WDR48: variants seen among roughly 807,000 people sequenced by gnomAD.
WDR48 encodes WD repeat domain 48.
In WDR48, 22 loss-of-function variants were observed where a neutral mutation model predicts 94.0. The observed-to-expected ratio is 0.23, with a 90% CI of 0.17 to 0.33. The LOEUF is 0.33. Ranked by LOEUF, WDR48 falls within the 10% of genes least tolerant of loss-of-function variation. WDR48 has a pLI of 1.00. For missense variants in WDR48, 541 were observed against 813.8 expected (o/e 0.66, Z 4.08); for synonymous variants, 278 against 280.5 (o/e 0.99, Z 0.09).
rs2035076242 is a variant in WDR48 at position 39,091,621 on chromosome 3, T to G, written c.1669-4T>G. ...TTATACCTTTTTAACTTTTACTGTT[T>G]CAGAAAAATATGCCCAAATTCAACA... On this transcript the variant is annotated splice_polypyrimidine_tract_variant and splice_region_variant and intron_variant, in intron 16 of 18. Transcript: ENST00000302313. 3 of 1,603,474 alleles carry G rather than the reference T, an allele frequency of 1.9e-6. No homozygotes were observed.
Position 39,094,012 on chromosome 3 carries a change from A to G in WDR48, c.1884A>G (p.Glu628=), listed in dbSNP as rs978810499. The G allele has an allele frequency of 1.5e-5, 24 of 1,614,144 alleles. No homozygotes were observed. Among genetic ancestry groups the G allele is most frequent in the Middle Eastern group, 3.3e-4 (2 of 6,062 alleles). ...NNEKPGEQEK[E]EDIAVLAEEK... ...AAAAACCAGGAGAACAGGAAAAAGA[A>G]GAAGATATTGCTGTGTTGGCAGAGG... The change falls in exon 18 of 19, where the codon GAA becomes GAG. Residue 628 remains glutamate (E), a synonymous_variant. Transcript: ENST00000302313.
chr3:39,069,232 C>T (rs1204758024), intron 6 of WDR48, among the ~76,000 whole-genome samples: 2 of 152,214 alleles, frequency 1.3e-5, no homozygotes, highest in Admixed American at 6.5e-5. Flanking sequence ...GCCTTGGCCT[C>T]CCAGAGTGCT....
chr3:39,068,751 G>T lies in WDR48; in HGVS notation c.482-20G>T. The T allele has an allele frequency of 6.3e-7, 1 of 1,576,620 alleles. No homozygotes were observed. Among genetic ancestry groups the T allele is most frequent in the Non-Finnish European group, 8.7e-7 (1 of 1,154,190 alleles). ...CAGCTGATGATCTTGTTAACATTTAGCTCCGTTTATCCTCAATAGCTTCTT... is the reference window on the plus strand; with the variant it reads ...CAGCTGATGATCTTGTTAACATTTATCTCCGTTTATCCTCAATAGCTTCTT... On this transcript the variant is annotated intron_variant, in intron 5 of 18. Coordinates refer to ENST00000302313, the MANE Select transcript of WDR48 (RefSeq NM_020839.4).
At chr3:39,094,413 C>T in intron 18 of WDR48, 1 of 1,520,198 alleles carries the variant, frequency 6.6e-7, no homozygotes, top group African/African-American at 1.4e-5. Flanking sequence ...AAAACGTATC[C>T]TCAGAGGAAT....
chr3:39,094,778 A>T lies in WDR48; in HGVS notation c.*35A>T, dbSNP rs565153697. The T allele has an allele frequency of 1.1e-4, 182 of 1,612,142 alleles. No individual in the cohort carries two copies. In the South Asian group the frequency reaches 1.6e-3, roughly 14 times the overall value. On this transcript the variant is annotated 3_prime_UTR_variant, in exon 19 of 19. Transcript: ENST00000302313. Reference sequence around the variant, plus strand: ...TAATGCTCCTGGATATTCATTTACGACCTTCCTCTATGGCCCCAAGAGTAG... The same window carrying T: ...TAATGCTCCTGGATATTCATTTACGTCCTTCCTCTATGGCCCCAAGAGTAG...
At chr3:39,062,696 A>T (rs113024986) in intron 1 of WDR48, among the ~76,000 whole-genome samples, 7 of 152,332 alleles carry the variant, frequency 4.6e-5, no homozygotes, top group African/African-American at 1.7e-4. Flanking sequence ...ATTTACATCC[A>T]ATCATGAGTC....
At position 39,068,837 on chromosome 3, in the gene WDR48, T is replaced by C. The variant is rs1439797150; in HGVS notation, c.548T>C (p.Ile183Thr). The part of the protein sequence containing the change: ...SLAMNQLGTI[I>T]VSGSTEKVLR... ...GCCATGAATCAACTGGGAACAATCA[T>C]TGTATCAGGGTCCACTGAAAAGGTA... Residue 183 changes from isoleucine to threonine, a missense_variant, in exon 6 of 19, where the codon ATT becomes ACT. Coordinates refer to ENST00000302313, the MANE Select transcript of WDR48 (RefSeq NM_020839.4). The C allele has an allele frequency of 1.2e-6, 2 of 1,602,344 alleles. No individual in the cohort carries two copies. Among genetic ancestry groups the C allele is most frequent in the Admixed American group, 3.3e-5 (2 of 59,958 alleles).
intron 1 of WDR48, among the ~76,000 whole-genome samples, chr3:39,062,636 G>C (rs1162188449): frequency 3.9e-5 from 6 of 152,210 alleles, no homozygotes; most frequent in African/African-American, 1.4e-4. Flanking sequence ...ACCTGGAGCA[G>C]AGATGAGTGG....
chr3:39,063,769 C>A (rs2033423689), intron 2 of WDR48, among the ~76,000 whole-genome samples: 1 of 151,644 alleles, frequency 6.6e-6, no homozygotes, highest in African/African-American at 2.4e-5. Flanking sequence ...GTGACAATAC[C>A]CTGTCTCTGC....
intron 7 of WDR48, 75 bp downstream of exon 7, chr3:39,069,819 T>A (rs2033828171): frequency 1.6e-6 from 2 of 1,220,250 alleles, no homozygotes; most frequent in Non-Finnish European, 2.2e-6. Context: ...ATTGCATAGG[T>A]TGATTTGAAC....
At chr3:39,066,661 T>C in intron 4 of WDR48, 31 bp downstream of exon 4, 3 of 1,613,270 alleles carry the variant, frequency 1.9e-6, no homozygotes, top group Non-Finnish European at 1.7e-6. Flanking sequence ...GTGTCTTTAG[T>C]GTAATATTGG....
intron 1 of WDR48, among the ~76,000 whole-genome samples, chr3:39,056,610 G>A (rs1559594200): frequency 6.6e-6 from 1 of 151,542 alleles, no homozygotes; most frequent in Non-Finnish European, 1.5e-5. Context: ...GTATGAAACA[G>A]AATGGCATTG....
At chr3:39,053,844 G>A (rs2032665500) in intron 1 of WDR48, among the ~76,000 whole-genome samples, 2 of 152,214 alleles carry the variant, frequency 1.3e-5, no homozygotes, top group South Asian at 4.1e-4. Context: ...TAGGCTGAAT[G>A]TGAGCCAGTG....
At chr3:39,085,923 G>T (rs2034787333) in intron 14 of WDR48, among the ~76,000 whole-genome samples, 1 of 152,162 alleles carries the variant, frequency 6.6e-6, no homozygotes, top group African/African-American at 2.4e-5. Context: ...ATTCTTCAAG[G>T]TACCTCTGAT....
Position 39,089,278 on chromosome 3 carries a change from A to G in WDR48, c.1628A>G (p.Asn543Ser), listed in dbSNP as rs1302366064. Reference protein sequence around the residue: ...SGGETESMLLNETVPQWVIDI... With the variant: ...SGGETESMLLSETVPQWVIDI... Reference sequence around the variant, plus strand: ...GGTGAGACTGAGTCTATGCTTCTTAATGAAACAGTGCCACAATGGGTAATT... The same window carrying G: ...GGTGAGACTGAGTCTATGCTTCTTAGTGAAACAGTGCCACAATGGGTAATT... The change falls in exon 16 of 19, where the codon AAT (asparagine) becomes AGT (serine). Residue 543 changes from asparagine to serine, a missense_variant. This residue lies in a region of WDR48 where 109 missense variants were observed against 195.5 expected (regional missense o/e 0.56). Transcript: ENST00000302313. 8.7e-6 allele frequency: 14 copies of G among 1,613,510 alleles called. No individual in the cohort carries two copies. The highest frequency in any genetic ancestry group is 1.1e-5 in the Non-Finnish European group (13 of 1,179,810).
Position 39,079,720 on chromosome 3 carries a change from G to C in WDR48, c.1085G>C (p.Ser362Thr). 1 of 1,548,500 alleles carries C rather than the reference G, an allele frequency of 6.5e-7. No homozygotes were observed. Among genetic ancestry groups the C allele is most frequent in the Non-Finnish European group, 8.6e-7 (1 of 1,156,156 alleles). ...TTTTTTTTCCCATTAGGGGGTGCTA[G>C]TATTATTCAGTGCCACATTCTTAAT... ...QPDQVIKGGA[S>T]IIQCHILNDK... The change falls in exon 11 of 19, where the codon AGT becomes ACT. Residue 362 changes from serine to threonine, a missense_variant. Coordinates refer to ENST00000302313, the MANE Select transcript of WDR48 (RefSeq NM_020839.4).
chr3:39,089,449 T>C, intron 16 of WDR48, 131 bp downstream of exon 16: 1 of 692,140 alleles, frequency 1.4e-6, no homozygotes, highest in Non-Finnish European at 2.2e-6. Flanking sequence ...ATCTGCTTCC[T>C]TGCAGTTCCA....
At chr3:39,079,673 A>G in intron 10 of WDR48, 38 bp from the exon 11 acceptor site, 1 of 1,383,870 alleles carries the variant, frequency 7.2e-7, no homozygotes, top group East Asian at 2.5e-5. Context: ...TAAATGTAGA[A>G]AGATTGTTTT....
At chr3:39,089,165 T>C (rs2034960338) in intron 15 of WDR48, 66 bp from the exon 16 acceptor site, 2 of 1,436,324 alleles carry the variant, frequency 1.4e-6, no homozygotes, top group Admixed American at 1.8e-5. Context: ...CCCGCTAATA[T>C]TTGTTGACAG....
Sources: gnomAD v4.1 joint callset for allele counts (sites outside exome capture counted in the v4.1 genomes callset) on GRCh38, gnomAD v4.1.1 for gene constraint, gnomAD v4.1.1 regional missense constraint, MANE v1.5 for transcripts, NCBI Gene and HGNC (gene_info 2026-07-23, HGNC 2026-07-21) for gene names.